ZNF541: variants seen among roughly 807,000 people sequenced by gnomAD.
ZNF541 encodes zinc finger protein 541.
Under a neutral mutation model 123.5 loss-of-function variants are expected in ZNF541, and 23 were observed. The observed-to-expected ratio is 0.19, with a 90% confidence interval of 0.13 to 0.26. The LOEUF is 0.26. Among genes scored for constraint, ZNF541 ranks in the 10% least tolerant of loss-of-function variants. ZNF541 has a pLI of 1.00. For missense variants in ZNF541, 1,612 were observed against 1,789.9 expected (o/e 0.90, Z 1.79); for synonymous variants, 751 against 754.5 (o/e 1.00, Z 0.08).
chr19:47,544,800 A>C lies in ZNF541; in HGVS notation c.1729T>G (p.Ser577Ala). The part of the protein sequence containing the change: ...IFSHAQVAAV[S>A]SQLPAPEGKP... ...CCCTCGGGCGCAGGGAGCTGGGAGG[A>C]GACTGCTGCCACCTGGGCATGGGAG... Residue 577 changes from serine to alanine, a missense_variant, in exon 5 of 17, where the codon TCC becomes GCC. Physicochemically the swap from Ser to Ala is moderately conservative, Grantham distance 99. Around this residue, in one of 5 missense-constraint regions of ZNF541, gnomAD observed 1,080 missense variants for 1,013.8 expected, o/e 1.07. Coordinates refer to ENST00000391901, the MANE Select transcript of ZNF541 (RefSeq NM_001277075.3). The C allele has an allele frequency of 6.5e-7, 1 of 1,527,750 alleles. No individual in the cohort carries two copies. The highest frequency in any genetic ancestry group is 8.8e-7 in the Non-Finnish European group (1 of 1,141,546). The allele number at this position is 1,527,750 out of a possible 1,614,324, so 94.6% of individuals were successfully genotyped here. A position where few individuals can be genotyped will look rare whatever the true frequency, so the allele number is the denominator to read the frequency against.
At chr19:47,525,835 G>C (rs1019711052) in intron 14 of ZNF541, among the ~76,000 whole-genome samples, 1 of 146,124 alleles carries the variant, frequency 6.8e-6, no homozygotes, top group Admixed American at 7.1e-5. Context: ...AGAATGGCAT[G>C]AACCTGGAAG....
intron 3 of ZNF541, among the ~76,000 whole-genome samples, chr19:47,554,813 G>T (rs1256783630): frequency 3.9e-5 from 6 of 152,212 alleles, no homozygotes; most frequent in African/African-American, 1.4e-4. Flanking sequence ...AGAATTGGGG[G>T]CCGAGTGTGG....
chr19:47,546,010 C>T (rs964705689), intron 4 of ZNF541, 30 bp from the exon 5 acceptor site: 12 of 1,436,188 alleles, frequency 8.4e-6, no homozygotes, highest in South Asian at 4.6e-5. Flanking sequence ...GGGGCGTCAC[C>T]GGGGCACCTG....
Position 47,521,474 on chromosome 19 carries a change from G to C in ZNF541, c.3887+5C>G, listed in dbSNP as rs757762639. 1.2e-5 allele frequency: 19 copies of C among 1,551,324 alleles called. No individual in the cohort carries two copies. Among genetic ancestry groups the C allele is most frequent in the Non-Finnish European group, 1.7e-5 (19 of 1,146,746 alleles). On this transcript the variant is annotated splice_donor_5th_base_variant and intron_variant, in intron 16 of 16. Transcript: ENST00000391901. This position sits in a 1 kb window ranked among gnomAD's most constrained non-coding sequence, Gnocchi z 4.2. ...TGGGAGTGTTTCCAGGAGAAAGCTG[G>C]GTACCTTTCACACTCTCTGCATGGA...
At chr19:47,549,842 C>T (rs1970521179) in intron 3 of ZNF541, among the ~76,000 whole-genome samples, 1 of 152,180 alleles carries the variant, frequency 6.6e-6, no homozygotes, top group African/African-American at 2.4e-5. Flanking sequence ...TGCACACACC[C>T]AGCCAATTCT....
rs776771887 is a variant in ZNF541, at chr19:47,544,260, A to G, written c.2269T>C (p.Phe757Leu). ...TCCATCTTCGCCTTCTCTTTCCGGA[A>G]GCCGGAGAATCGCGGGGCCCTGGGG... ...GNPRAPRFSG[F>L]RKEKAKMDMC... The change falls in exon 5 of 17, where the codon TTC becomes CTC. Residue 757 changes from phenylalanine (F) to leucine (L), a missense_variant. Coordinates refer to ENST00000391901, the MANE Select transcript of ZNF541 (RefSeq NM_001277075.3). The G allele has an allele frequency of 5.8e-6, 9 of 1,551,452 alleles. No individual in the cohort carries two copies. Among genetic ancestry groups the G allele is most frequent in the South Asian group, 3.6e-5 (3 of 84,070 alleles).
chr19:47,549,306 T>C lies in ZNF541; in HGVS notation c.487A>G (p.Ser163Gly). The C allele has an allele frequency of 2.6e-6, 4 of 1,551,914 alleles. No homozygotes were observed. Among genetic ancestry groups the C allele is most frequent in the Non-Finnish European group, 3.5e-6 (4 of 1,147,046 alleles). Reference protein sequence around the residue: ...SSLSKHYLTHSQERKHVCKIC... With the variant: ...SSLSKHYLTHGQERKHVCKIC... ...TTGCAGACGTGCTTCCTTTCCTGGC[T>C]GTGTGTCAGGTAGTGCTTGCTCAGA... The change falls in exon 4 of 17, where the codon AGC becomes GGC. Residue 163 changes from serine (S) to glycine (G), a missense_variant. Physicochemically the swap from Ser to Gly is moderately conservative, Grantham distance 56. This residue lies in a region of ZNF541 where 212 missense variants were observed against 289.6 expected (regional missense o/e 0.73). Transcript: ENST00000391901.
chr19:47,529,831 C>T (rs1969481385), intron 12 of ZNF541, among the ~76,000 whole-genome samples, 179 bp from the exon 13 acceptor site: 1 of 152,192 alleles, frequency 6.6e-6, no homozygotes, highest in Non-Finnish European at 1.5e-5. Context: ...GTGCATCAAC[C>T]GTGTCACCAG....
rs141858534 is a variant in ZNF541 at position 47,557,576 on chromosome 19, A to G, written c.-98-1622T>C. ...GGGAGGAGGCTGGGCGCCAGGGCTCACATCTGTAACCCCAACACTTTGGGA... is the reference window on the plus strand; with the variant it reads ...GGGAGGAGGCTGGGCGCCAGGGCTCGCATCTGTAACCCCAACACTTTGGGA... On this transcript the variant is annotated intron_variant, in intron 2 of 16. Coordinates refer to ENST00000391901, the MANE Select transcript of ZNF541 (RefSeq NM_001277075.3). 6.7e-4 allele frequency among the ~76,000 whole-genome samples: 102 copies of G among 152,308 alleles called. No individual in the cohort carries two copies. The East Asian group carries it at 0.018, about 27-fold the overall frequency.
intron 14 of ZNF541, among the ~76,000 whole-genome samples, chr19:47,527,822 C>T (rs1360496262): frequency 4.6e-5 from 7 of 151,858 alleles, no homozygotes; most frequent in African/African-American, 1.7e-4. Flanking sequence ...GTCTCAGCCT[C>T]CCGAGTAGCT....
chr19:47,562,650 A>G (rs1337694301), intron 2 of ZNF541, among the ~76,000 whole-genome samples: 5 of 152,212 alleles, frequency 3.3e-5, no homozygotes, highest in Admixed American at 1.3e-4. Context: ...GTTTTTCAGC[A>G]AAAAATTATG....
intron 5 of ZNF541, 47 bp downstream of exon 5, chr19:47,544,079 G>A (rs1011882830): frequency 1.4e-6 from 2 of 1,476,172 alleles, no homozygotes; most frequent in African/African-American, 1.4e-5. Context: ...CAAATGCAAA[G>A]GAAACTCACT....
rs1310003082 is a variant in ZNF541, at chr19:47,544,222, C to T, written c.2307G>A (p.Ala769=). 11 of 1,551,508 alleles carry T rather than the reference C, an allele frequency of 7.1e-6. No homozygotes were observed. The Admixed American group carries it at 7.8e-5, about 11-fold the overall frequency. The change falls in exon 5 of 17, where the codon GCG becomes GCA. Residue 769 remains alanine (A), a synonymous_variant. Coordinates refer to ENST00000391901, the MANE Select transcript of ZNF541 (RefSeq NM_001277075.3). ...CCATGGCTACCTGGCTCGGAGAAGCCGCACAGCACATATCCATCTTCGCCT... is the reference window on the plus strand; with the variant it reads ...CCATGGCTACCTGGCTCGGAGAAGCTGCACAGCACATATCCATCTTCGCCT... The part of the protein sequence containing the change: ...KEKAKMDMCC[A]ASPSQVAMAS...
chr19:47,569,175 T>C (rs1568527420), intron 2 of ZNF541, among the ~76,000 whole-genome samples: 2 of 152,112 alleles, frequency 1.3e-5, no homozygotes. Context: ...ATGGCATCTC[T>C]AGAAAGGGCT....
intron 10 of ZNF541, among the ~76,000 whole-genome samples, 174 bp downstream of exon 10, chr19:47,532,735 G>A (rs897429449): frequency 6.6e-6 from 1 of 152,058 alleles, no homozygotes; most frequent in African/African-American, 2.4e-5. Flanking sequence ...TTTGTAGAAG[G>A]AATAATATTG....
chr19:47,570,495 T>C (rs1294066906), intron 2 of ZNF541, among the ~76,000 whole-genome samples: 1 of 148,994 alleles, frequency 6.7e-6, no homozygotes, highest in African/African-American at 2.5e-5. Context: ...GAGAATCACT[T>C]GAACCTGGGA....
In ZNF541 at chr19:47,538,467, C is replaced by T. The variant is rs919147853; in HGVS notation, c.2797-28G>A. 11 of 1,463,202 alleles carry T rather than the reference C, an allele frequency of 7.5e-6. No homozygotes were observed. The East Asian group carries it at 1.5e-4, about 20-fold the overall frequency. The allele number at this position is 1,463,202 out of a possible 1,614,324, so 90.6% of individuals were successfully genotyped here. A position where few individuals can be genotyped will look rare whatever the true frequency, so the allele number is the denominator to read the frequency against. On this transcript the variant is annotated intron_variant, in intron 8 of 16. Transcript: ENST00000391901. ...GAAGAAGTTTAGAACCACAGGTGGT[C>T]GCCTGAAGCCACCTACTGCACCACT...
intron 14 of ZNF541, among the ~76,000 whole-genome samples, chr19:47,526,356 C>T (rs145526905): frequency 0.014 from 2,102 of 152,002 alleles, 32 homozygotes; most frequent in Middle Eastern, 0.054. Flanking sequence ...GTAGCAGGCG[C>T]CTGTAATCCC....
intron 5 of ZNF541, among the ~76,000 whole-genome samples, chr19:47,541,623 G>A (rs1427187565): frequency 6.6e-6 from 1 of 152,172 alleles, no homozygotes; most frequent in Non-Finnish European, 1.5e-5. Flanking sequence ...CTTCTAGAAA[G>A]ATACACAGAT....
Sources: allele counts gnomAD v4.1 joint callset (sites outside exome capture counted in the v4.1 genomes callset), GRCh38; gene constraint gnomAD v4.1.1; regional missense constraint gnomAD v4.1.1; non-coding constraint Gnocchi (gnomAD v3.1); transcripts MANE v1.5; gene names NCBI Gene and HGNC (gene_info 2026-07-23, HGNC 2026-07-21).